The following KDELR3 variants were observed in gnomAD, a reference collection of about 807,000 sequenced individuals.
KDELR3 encodes the protein ER lumen protein-retaining receptor 3.
In KDELR3, 26 loss-of-function variants were observed where a neutral mutation model predicts 22.7. The observed-to-expected ratio is 1.15, with a 90% CI of 0.84 to 1.59. The LOEUF is 1.59. KDELR3 is among the 40% of genes most tolerant of loss of function. The probability of loss-of-function intolerance (pLI) is 0.00; values close to 1 mark genes in which losing one functional copy is unlikely to be tolerated. For missense variants in KDELR3, 289 were observed against 251.1 expected (o/e 1.15, Z -1.02); for synonymous variants, 120 against 98.2 (o/e 1.22, Z -1.31).
At chr22:38,476,023 G>C (rs976662298) in intron 2 of KDELR3, among the ~76,000 whole-genome samples, 4 of 151,820 alleles carry the variant, frequency 2.6e-5, no homozygotes, top group Non-Finnish European at 5.9e-5. Context: ...TCAACTTCCC[G>C]GGCTGAAGGG....
At chr22:38,478,685 C>T (rs2089577654) in intron 2 of KDELR3, among the ~76,000 whole-genome samples, 1 of 105,190 alleles carries the variant, frequency 9.5e-6, no homozygotes, top group Non-Finnish European at 1.7e-5. Flanking sequence ...TCTTATCCCC[C>T]AGGCTGGAGT....
intron 2 of KDELR3, among the ~76,000 whole-genome samples, chr22:38,475,063 G>C (rs1266978340): frequency 8.7e-6 from 1 of 114,650 alleles, no homozygotes; most frequent in Admixed American, 1.2e-4. Context: ...CTGGGTGACA[G>C]AGTGAGACTC....
At chr22:38,468,943 G>T (rs944820583) in intron 1 of KDELR3, among the ~76,000 whole-genome samples, 6 of 152,330 alleles carry the variant, frequency 3.9e-5, no homozygotes, top group Middle Eastern at 3.4e-3. Context: ...CTGGACTCGC[G>T]GTCGCCAACA....
chr22:38,481,654 A>G (rs1202546820), intron 4 of KDELR3, 190 bp downstream of exon 4: 14 of 1,440,590 alleles, frequency 9.7e-6, no homozygotes, highest in Non-Finnish European at 1.3e-5. Context: ...CCAATAGGTT[A>G]TGTGTACTAT....
chr22:38,481,761 G>C (rs1569134149), intron 4 of KDELR3: 3 of 796,394 alleles, frequency 3.8e-6, no homozygotes. Context: ...CACCAGCTTG[G>C]TGTGATGGAC....
intron 1 of KDELR3, among the ~76,000 whole-genome samples, chr22:38,468,555 C>A (rs2089502651): frequency 6.6e-6 from 1 of 152,144 alleles, no homozygotes; most frequent in Non-Finnish European, 1.5e-5. Context: ...GCACAGACGC[C>A]CCCTCAGGTT....
rs1268849656 is a variant in KDELR3 at position 38,468,334 on chromosome 22, GCCTGGCAGGGAGGTGCGGGACC to G, written c.91+13_91+34del. 3.7e-5 allele frequency: 60 copies of G among 1,612,166 alleles called. No homozygotes were observed. Among genetic ancestry groups the G allele is most frequent in the Non-Finnish European group, 4.8e-5 (57 of 1,178,888 alleles). ...TCCAAGTGCTGCAAGGGTGAGGGGC[GCCTGGCAGGGAGGTGCGGGACC>G]CCCTCTCTGGCCAGCCTCATGCCCC... On this transcript the variant is annotated intron_variant, in intron 1 of 4. Coordinates refer to ENST00000216014, the MANE Select transcript of KDELR3 (RefSeq NM_006855.4).
rs563054742 is a variant in KDELR3 at position 38,469,918 on chromosome 22, C to T, written c.91+1594C>T. ...CACTGCAACCTCCACCTCCCAGGTTCAAGCGATTCTCCTGCCTCAGCCTCC... is the reference window on the plus strand; with the variant it reads ...CACTGCAACCTCCACCTCCCAGGTTTAAGCGATTCTCCTGCCTCAGCCTCC... On this transcript the variant is annotated intron_variant, in intron 1 of 4. Transcript: ENST00000216014. Among the ~76,000 whole-genome samples, 95 of 152,270 alleles carry T rather than the reference C, an allele frequency of 6.2e-4. 1 individual carries two copies. The highest frequency in any genetic ancestry group is 3.4e-3 in the Middle Eastern group (1 of 294).
At chr22:38,472,578 G>A (rs749068206) in intron 1 of KDELR3, among the ~76,000 whole-genome samples, 1 of 152,170 alleles carries the variant, frequency 6.6e-6, no homozygotes, top group African/African-American at 2.4e-5. Context: ...TGGAAAAAGG[G>A]CAGCAGTGGG....
chr22:38,474,971 TC>T (rs1427786772), intron 2 of KDELR3, among the ~76,000 whole-genome samples: 1 of 149,592 alleles, frequency 6.7e-6, no homozygotes, highest in Non-Finnish European at 1.5e-5. Context: ...TCCCAGCTAC[TC>T]AGGAGGCTGA....
chr22:38,478,629 A>ATTT (rs55884876), intron 2 of KDELR3, among the ~76,000 whole-genome samples: 816 of 43,462 alleles, frequency 0.019, 297 homozygotes, highest in African/African-American at 0.072. Context: ...AGCATCTGTG[A>ATTT]TTTTTTTTTT....
chr22:38,481,136 T>C, intron 3 of KDELR3, 76 bp from the exon 4 acceptor site: 1 of 1,294,350 alleles, frequency 7.7e-7, no homozygotes, highest in Non-Finnish European at 1.1e-6. Context: ...AAGCTATTGT[T>C]TTAGTAATTA....
intron 2 of KDELR3, among the ~76,000 whole-genome samples, chr22:38,477,317 G>A (rs550092753): frequency 6.7e-4 from 101 of 151,808 alleles, no homozygotes; most frequent in South Asian, 1.7e-3. Flanking sequence ...GAATTCTCCT[G>A]CCTCAGCCTC....
At chr22:38,474,650 G>T in intron 2 of KDELR3, 27 bp downstream of exon 2, 1 of 1,569,782 alleles carries the variant, frequency 6.4e-7, no homozygotes. Flanking sequence ...TGATGGTTGG[G>T]GGAAGCCACC....
intron 1 of KDELR3, among the ~76,000 whole-genome samples, chr22:38,473,955 CAG>C (rs2089540947): frequency 1.3e-5 from 2 of 149,812 alleles, no homozygotes; most frequent in Non-Finnish European, 3.0e-5. Context: ...GCCTGGGCAA[CAG>C]AGTGAGACTC....
At chr22:38,477,199 C>G (rs140033611) in intron 2 of KDELR3, among the ~76,000 whole-genome samples, 89 of 150,994 alleles carry the variant, frequency 5.9e-4, no homozygotes, top group Non-Finnish European at 1.0e-3. Flanking sequence ...AGGCATTAGC[C>G]ACCATGCCCA....
At chr22:38,475,688 G>A (rs530418085) in intron 2 of KDELR3, among the ~76,000 whole-genome samples, 5 of 151,958 alleles carry the variant, frequency 3.3e-5, no homozygotes, top group African/African-American at 1.2e-4. Context: ...GTGCAGCAGC[G>A]CAATCTCAGC....
At chr22:38,468,379 C>T (rs944952571) in intron 1 of KDELR3, 55 bp downstream of exon 1, 5 of 1,549,404 alleles carry the variant, frequency 3.2e-6, no homozygotes, top group Non-Finnish European at 4.4e-6. Flanking sequence ...AGCCTCATGC[C>T]CCTGCGTGCA....
rs1348010308 is a variant in KDELR3, at chr22:38,471,437, C to T, written c.92-3086C>T. Among the ~76,000 whole-genome samples the T allele has an allele frequency of 2.0e-5, 3 of 152,136 alleles. No homozygotes were observed. The East Asian group carries it at 5.8e-4, about 29-fold the overall frequency. ...GGCCTCCCCCAGTGGGGTTCATTAC[C>T]CACTGCCAGCCCCACTGTTGCCCTC... On this transcript the variant is annotated intron_variant, in intron 1 of 4. Transcript: ENST00000216014.
Sources: gnomAD v4.1 joint callset for allele counts (sites outside exome capture counted in the v4.1 genomes callset) on GRCh38, gnomAD v4.1.1 for gene constraint, MANE v1.5 for transcripts, NCBI Gene and HGNC (gene_info 2026-07-23, HGNC 2026-07-21) for gene names.